Variants in IL1RAPL2 observed in about 807,000 individuals in gnomAD.
IL1RAPL2 encodes the protein X-linked interleukin-1 receptor accessory protein-like 2.
Under a neutral mutation model 44.1 loss-of-function variants are expected in IL1RAPL2, and 3 were observed. The ratio of observed to expected loss-of-function variants is 0.07; its 90% confidence interval spans 0.03 to 0.18. The LOEUF (loss-of-function observed/expected upper bound fraction) is 0.18. IL1RAPL2 is among the 10% of genes least tolerant of loss of function. The pLI is 1.00. For synonymous variants in IL1RAPL2, 181 were observed against 178.8 expected, an observed-to-expected ratio of 1.01 and a Z score of -0.10; for missense variants, 391 against 496.4, an observed-to-expected ratio of 0.79 and a Z score of 2.02.
chrX:104,582,598 T>TTTC (rs1569487403), intron 1 of IL1RAPL2, among the ~76,000 whole-genome samples: 16 of 28,985 alleles, frequency 5.5e-4, no homozygotes, highest in Middle Eastern at 0.022. Flanking sequence ...TTCTTTCTTT[T>TTTC]TCTTTCTTTC....
chrX:104,945,937 T>C (rs1569348203), intron 2 of IL1RAPL2, among the ~76,000 whole-genome samples: 1 of 110,865 alleles, frequency 9.0e-6, no homozygotes, highest in Non-Finnish European at 1.9e-5. Flanking sequence ...ATACATGATT[T>C]TTTTTTCTTT....
At chrX:104,951,108 C>G (rs1462027382) in intron 2 of IL1RAPL2, among the ~76,000 whole-genome samples, 3 of 112,067 alleles carry the variant, frequency 2.7e-5, no homozygotes, top group Non-Finnish European at 5.6e-5. Flanking sequence ...AACCCGGGAC[C>G]TCAGATGGAA....
chrX:105,737,221 GC>G (rs1189455776), intron 7 of IL1RAPL2, among the ~76,000 whole-genome samples: 2 of 110,647 alleles, frequency 1.8e-5, no homozygotes, highest in Non-Finnish European at 3.8e-5. Flanking sequence ...AAACACCAGG[GC>G]CTACTTGAGA....
At chrX:104,599,549 AT>A (rs780711160) in intron 1 of IL1RAPL2, among the ~76,000 whole-genome samples, 23 of 107,761 alleles carry the variant, frequency 2.1e-4, no homozygotes, top group East Asian at 2.1e-3. Flanking sequence ...TGCCTGGTTG[AT>A]TTTTTTTTAA....
intron 2 of IL1RAPL2, among the ~76,000 whole-genome samples, chrX:104,946,468 GGTTA>G (rs1342318037): frequency 0.018 from 1,692 of 93,522 alleles, 60 homozygotes; most frequent in African/African-American, 0.066. Flanking sequence ...ACAATGTGCA[GGTTA>G]GTTACATATG....
intron 2 of IL1RAPL2, among the ~76,000 whole-genome samples, chrX:105,144,029 C>T (rs1602976443): frequency 9.2e-6 from 1 of 108,134 alleles, no homozygotes; most frequent in South Asian, 4.1e-4. Flanking sequence ...AAAAAAAATA[C>T]TTAGGTCTCC....
chrX:104,743,935 C>A (rs1026270379), intron 2 of IL1RAPL2, among the ~76,000 whole-genome samples: 1 of 110,519 alleles, frequency 9.0e-6, no homozygotes, highest in Admixed American at 9.8e-5. Context: ...AAGCAGGAAG[C>A]AAGCAGACAG....
intron 2 of IL1RAPL2, among the ~76,000 whole-genome samples, chrX:105,060,032 T>C (rs1282167941): frequency 1.8e-5 from 2 of 112,163 alleles, no homozygotes; most frequent in Non-Finnish European, 3.8e-5. Context: ...TGCCAAACTC[T>C]TCTCCTTAGT....
chrX:104,874,291 TCTC>T (rs1922847278), intron 2 of IL1RAPL2, among the ~76,000 whole-genome samples: 1 of 105,961 alleles, frequency 9.4e-6, no homozygotes, highest in African/African-American at 3.5e-5. Flanking sequence ...TCTCTCTCTC[TCTC>T]TCTCTCTCTC....
At chrX:105,083,319 A>G (rs1325998574) in intron 2 of IL1RAPL2, among the ~76,000 whole-genome samples, 2 of 111,996 alleles carry the variant, frequency 1.8e-5, no homozygotes, top group Middle Eastern at 4.6e-3. Flanking sequence ...GACCAAATCT[A>G]CATTTGATTG....
intron 6 of IL1RAPL2, among the ~76,000 whole-genome samples, chrX:105,605,922 A>G (rs1209956949): frequency 8.9e-6 from 1 of 111,962 alleles, no homozygotes; most frequent in Non-Finnish European, 1.9e-5. Flanking sequence ...CTCAACCTCT[A>G]TCTTTCACCA....
chrX:105,140,515 T>C (rs1163985786), intron 2 of IL1RAPL2, among the ~76,000 whole-genome samples: 1 of 112,306 alleles, frequency 8.9e-6, no homozygotes, highest in Non-Finnish European at 1.9e-5. Flanking sequence ...TTTTTTGTTA[T>C]GTGAGATGAA....
chrX:105,437,463 C>T (rs1288930140), intron 5 of IL1RAPL2, among the ~76,000 whole-genome samples: 7 of 110,997 alleles, frequency 6.3e-5, no homozygotes, highest in Non-Finnish European at 1.1e-4. Context: ...AACAATGTGT[C>T]TGAATTGGAA....
At chrX:105,034,028 C>T (rs1002983347) in intron 2 of IL1RAPL2, among the ~76,000 whole-genome samples, 10 of 112,238 alleles carry the variant, frequency 8.9e-5, no homozygotes, top group African/African-American at 2.6e-4. Context: ...GCTCCTGAGG[C>T]TTCTGCATTC....
At chrX:105,297,822 A>G (rs1400778002) in intron 5 of IL1RAPL2, among the ~76,000 whole-genome samples, 1 of 111,376 alleles carries the variant, frequency 9.0e-6, no homozygotes. Flanking sequence ...TTTAAAAATG[A>G]TCGCTCTGGC....
At chrX:105,033,911 C>T (rs1285600823) in intron 2 of IL1RAPL2, among the ~76,000 whole-genome samples, 1 of 111,507 alleles carries the variant, frequency 9.0e-6, no homozygotes, top group Non-Finnish European at 1.9e-5. Context: ...TTCTTGGAGG[C>T]TTTGTTCATT....
At chrX:104,933,620 A>G (rs1044759480) in intron 2 of IL1RAPL2, among the ~76,000 whole-genome samples, 7 of 111,555 alleles carry the variant, frequency 6.3e-5, no homozygotes, top group African/African-American at 2.3e-4. Context: ...GTAGGAAGGT[A>G]TTCTGGGTAT....
intron 2 of IL1RAPL2, among the ~76,000 whole-genome samples, chrX:104,696,984 T>A (rs1471556349): frequency 1.8e-5 from 2 of 112,393 alleles, no homozygotes; most frequent in Non-Finnish European, 3.8e-5. Flanking sequence ...AAACTTGATA[T>A]GTGAATATCT....
chrX:104,796,704 G>A (rs1403370414), intron 2 of IL1RAPL2, among the ~76,000 whole-genome samples: 2 of 112,313 alleles, frequency 1.8e-5, no homozygotes, highest in Non-Finnish European at 3.8e-5. Context: ...GAAATTCCTG[G>A]GTTAGGGTAA....
Sources: allele counts gnomAD v4.1 joint callset (sites outside exome capture counted in the v4.1 genomes callset), GRCh38; gene constraint gnomAD v4.1.1; transcripts MANE v1.5; gene names NCBI Gene and HGNC (gene_info 2026-07-23, HGNC 2026-07-21).